EFL1: variants seen among roughly 807,000 people sequenced by gnomAD.
The protein encoded by EFL1 is elongation factor like GTPase 1, also known as elongation factor-like GTPase 1.
EFL1 carries 76 observed loss-of-function variants against 126.7 expected under a neutral mutation model. The observed-to-expected ratio is 0.60, with a 90% CI of 0.50 to 0.73. The LOEUF (loss-of-function observed/expected upper bound fraction) is 0.73, where lower values mean the gene tolerates loss of function less well. Ranked by LOEUF, EFL1 falls within the 30% of genes least tolerant of loss-of-function variation. EFL1 has a pLI of 0.00. For missense variants in EFL1, 1,128 were observed against 1,343.2 expected (o/e 0.84, Z 2.50); for synonymous variants, 410 against 448.4 (o/e 0.91, Z 1.08).
Position 82,228,236 on chromosome 15 carries a change from T to C in EFL1, c.1024A>G (p.Asn342Asp). The change falls in exon 10 of 20, where the codon AAC (asparagine) becomes GAC (aspartate). Residue 342 changes from asparagine to aspartate, a missense_variant. Physicochemically the swap from Asn to Asp is conservative, Grantham distance 23. Transcript: ENST00000268206. ...GGTAGCCACTGACTGCAAATGGCGT[T>C]GATCTGAACTTTAGGGTCTGAATGT... is the stretch of plus-strand genomic sequence containing the variant. ...ARHSDPKVQI[N>D]AICSQWLPIS... 1 of 1,614,098 alleles carries C rather than the reference T, an allele frequency of 6.2e-7. No individual in the cohort carries two copies. The highest frequency in any genetic ancestry group is 8.5e-7 in the Non-Finnish European group (1 of 1,179,976).
chr15:82,252,994 G>T lies in EFL1; in HGVS notation c.160-219C>A, dbSNP rs567839650. Among the ~76,000 whole-genome samples the T allele has an allele frequency of 7.9e-5, 12 of 151,830 alleles. 1 individual carries two copies. Among genetic ancestry groups the T allele is most frequent in the African/African-American group, 2.9e-4 (12 of 41,388 alleles). On this transcript the variant is annotated intron_variant, in intron 3 of 19. Transcript: ENST00000268206. Reference sequence around the variant, plus strand: ...GCCTCCCAAAGTGCTGAGATTACAGGTGTGAACCATCATGCCCAGCCAATA... The same window carrying T: ...GCCTCCCAAAGTGCTGAGATTACAGTTGTGAACCATCATGCCCAGCCAATA...
intron 8 of EFL1, among the ~76,000 whole-genome samples, chr15:82,229,714 A>T (rs970115499): frequency 2.0e-5 from 3 of 152,006 alleles, no homozygotes; most frequent in Non-Finnish European, 2.9e-5. Flanking sequence ...GCTCAGTTTT[A>T]AAAAAAAGCA....
intron 12 of EFL1, among the ~76,000 whole-genome samples, chr15:82,222,438 C>T (rs2074721533): frequency 6.6e-6 from 1 of 152,144 alleles, no homozygotes; most frequent in South Asian, 2.1e-4. Context: ...TGTGATTTCA[C>T]TTTAGTTTTA....
intron 19 of EFL1, among the ~76,000 whole-genome samples, chr15:82,134,654 C>A (rs1038386234): frequency 6.6e-6 from 1 of 152,212 alleles, no homozygotes; most frequent in African/African-American, 2.4e-5. Context: ...TCACTTCACC[C>A]GGTATGAACT....
At chr15:82,227,840 G>A (rs2074780624) in intron 10 of EFL1, among the ~76,000 whole-genome samples, 1 of 152,172 alleles carries the variant, frequency 6.6e-6, no homozygotes, top group East Asian at 1.9e-4. Context: ...AGCTTAGCAG[G>A]TTGGCTACAG....
At chr15:82,197,237 A>C (rs1468239619) in intron 15 of EFL1, among the ~76,000 whole-genome samples, 1 of 152,226 alleles carries the variant, frequency 6.6e-6, no homozygotes, top group Non-Finnish European at 1.5e-5. Flanking sequence ...AGCTAAAAAA[A>C]ATGTTCCTCT....
At chr15:82,216,206 T>C (rs981682090) in intron 14 of EFL1, among the ~76,000 whole-genome samples, 2 of 152,130 alleles carry the variant, frequency 1.3e-5, no homozygotes, top group Non-Finnish European at 2.9e-5. Flanking sequence ...ACTATAAAAC[T>C]TCATGAAAAA....
At chr15:82,261,613 G>T (rs964416409) in intron 2 of EFL1, 75 bp downstream of exon 2, 2 of 1,395,476 alleles carry the variant, frequency 1.4e-6, no homozygotes, top group Non-Finnish European at 1.0e-6. Context: ...GCTGTCCACA[G>T]CTTCACTCCA....
In EFL1 at chr15:82,219,782, G is replaced by A. The variant is rs752375630; in HGVS notation, c.1481C>T (p.Pro494Leu). 1 of 1,613,344 alleles carries A rather than the reference G, an allele frequency of 6.2e-7. No individual in the cohort carries two copies. The highest frequency in any genetic ancestry group is 1.7e-5 in the Admixed American group (1 of 59,838). ...EQQVESMTPK[P>L]VLQEENNQES... ...TTGGTTGTTTTCTTCCTGGAGCACA[G>A]GTTTAGGGGTCATACTTTCCACCTG... Residue 494 changes from proline (P) to leucine (L), a missense_variant, in exon 14 of 20, where the codon CCT (proline) becomes CTT (leucine). Physicochemically the swap from Pro to Leu is moderately conservative, Grantham distance 98. This residue lies in a region of EFL1 where 120 missense variants were observed against 142.1 expected (regional missense o/e 0.84). Transcript: ENST00000268206.
intron 4 of EFL1, among the ~76,000 whole-genome samples, chr15:82,247,862 T>A (rs1220904677): frequency 1.3e-5 from 2 of 151,992 alleles, no homozygotes; most frequent in Non-Finnish European, 2.9e-5. Context: ...GGGCAGTGAC[T>A]GAAGACCACA....
At chr15:82,152,526 G>T in intron 17 of EFL1, 103 bp from the exon 18 acceptor site, 2 of 1,003,094 alleles carry the variant, frequency 2.0e-6, no homozygotes, top group Non-Finnish European at 2.8e-6. Flanking sequence ...AAAAACATAG[G>T]AACATAAAAA....
At chr15:82,257,829 G>C (rs1290025469) in intron 3 of EFL1, among the ~76,000 whole-genome samples, 1 of 152,118 alleles carries the variant, frequency 6.6e-6, no homozygotes, top group African/African-American at 2.4e-5. Flanking sequence ...CAAACTTCTG[G>C]CTTCACTGAT....
At chr15:82,132,684 G>GT (rs1174769056) in intron 19 of EFL1, among the ~76,000 whole-genome samples, 4 of 111,966 alleles carry the variant, frequency 3.6e-5, no homozygotes, top group South Asian at 5.0e-4. Flanking sequence ...CAGGAATTGG[G>GT]GGGGGGGGGG....
intron 18 of EFL1, among the ~76,000 whole-genome samples, chr15:82,141,162 T>C (rs1298528967): frequency 6.6e-6 from 1 of 152,152 alleles, no homozygotes; most frequent in Non-Finnish European, 1.5e-5. Flanking sequence ...CTATGATTTA[T>C]TTACATCCCT....
intron 19 of EFL1, among the ~76,000 whole-genome samples, chr15:82,132,424 C>G (rs1427373020): frequency 6.6e-6 from 1 of 152,084 alleles, no homozygotes; most frequent in Non-Finnish European, 1.5e-5. Flanking sequence ...CCAAAAAAAG[C>G]CTCTGTTGGA....
intron 11 of EFL1, among the ~76,000 whole-genome samples, chr15:82,225,479 GA>G (rs1460777251): frequency 2.6e-5 from 4 of 152,176 alleles, no homozygotes; most frequent in Non-Finnish European, 4.4e-5. Flanking sequence ...ACAGTTGGCA[GA>G]AATAAGAAAA....
At chr15:82,175,458 T>C (rs1157558384) in intron 15 of EFL1, among the ~76,000 whole-genome samples, 1 of 152,242 alleles carries the variant, frequency 6.6e-6, no homozygotes, top group Non-Finnish European at 1.5e-5. Flanking sequence ...CTTCACATTT[T>C]CTTTCTTACT....
chr15:82,162,215 T>C (rs1177003865), intron 16 of EFL1, among the ~76,000 whole-genome samples: 2 of 152,166 alleles, frequency 1.3e-5, no homozygotes, highest in African/African-American at 2.4e-5. Context: ...AGGTCAAGGC[T>C]GCAGTGAATC....
intron 18 of EFL1, among the ~76,000 whole-genome samples, chr15:82,141,687 CAA>C (rs111707224): frequency 8.9e-6 from 1 of 111,782 alleles, no homozygotes; most frequent in African/African-American, 3.5e-5. Flanking sequence ...AAAAAAAAAC[CAA>C]AAAAAAAAAA....
Sources: gnomAD v4.1 joint callset for allele counts (sites outside exome capture counted in the v4.1 genomes callset) on GRCh38, gnomAD v4.1.1 for gene constraint, gnomAD v4.1.1 regional missense constraint, MANE v1.5 for transcripts, NCBI Gene and HGNC (gene_info 2026-07-23, HGNC 2026-07-21) for gene names.